Variants in PRKCA observed in about 807,000 individuals in gnomAD.
PRKCA encodes protein kinase C alpha type.
In PRKCA, 27 loss-of-function variants were observed where a neutral mutation model predicts 87.0. The ratio of observed to expected loss-of-function variants is 0.31; its 90% CI spans 0.23 to 0.43. PRKCA has a LOEUF of 0.43. PRKCA is among the 20% of genes least tolerant of loss of function. The pLI, the probability that PRKCA is intolerant of heterozygous loss-of-function variation, is 1.00. For missense variants in PRKCA, 518 were observed against 852.3 expected (o/e 0.61, Z 4.88); for synonymous variants, 329 against 311.1 (o/e 1.06, Z -0.61).
At chr17:66,399,908 A>T (rs1910920427) in intron 2 of PRKCA, among the ~76,000 whole-genome samples, 1 of 152,060 alleles carries the variant, frequency 6.6e-6, no homozygotes, top group Non-Finnish European at 1.5e-5. Flanking sequence ...TAGATTTTGG[A>T]ATATTTGCAT....
chr17:66,473,194 A>G (rs982942118), intron 2 of PRKCA, among the ~76,000 whole-genome samples: 3 of 151,666 alleles, frequency 2.0e-5, no homozygotes, highest in Admixed American at 6.6e-5. Context: ...CCTTTGACCT[A>G]GACTTTGGGT....
intron 2 of PRKCA, among the ~76,000 whole-genome samples, chr17:66,378,895 C>A: frequency 7.8e-6 from 1 of 128,946 alleles, no homozygotes; most frequent in African/African-American, 3.0e-5. Context: ...AGCGAGACTC[C>A]ATCTCAAAAA....
Position 66,302,838 on chromosome 17 carries a change from G to A in PRKCA, c.-14G>A. 1 of 1,572,136 alleles carries A rather than the reference G, an allele frequency of 6.4e-7. No individual in the cohort carries two copies. Among genetic ancestry groups the A allele is most frequent in the South Asian group, 1.1e-5 (1 of 87,136 alleles). On this transcript the variant is annotated 5_prime_UTR_variant, in exon 1 of 17. Transcript: ENST00000413366. ...CAGCTCCCCGGCGGAGGCAAGAGGT[G>A]GTTGGGGGGGACCATGGCTGACGTT...
At chr17:66,517,769 T>C (rs1050492377) in intron 3 of PRKCA, among the ~76,000 whole-genome samples, 2 of 152,298 alleles carry the variant, frequency 1.3e-5, no homozygotes, top group East Asian at 3.9e-4. Context: ...GCCATCCAGT[T>C]GAGGTGTGCA....
chr17:66,774,317 C>G (rs1975001497), intron 14 of PRKCA: 1 of 1,332,070 alleles, frequency 7.5e-7, no homozygotes, highest in East Asian at 3.2e-5. Context: ...GTGTCAGTTT[C>G]ACGTTATGAA....
intron 5 of PRKCA, among the ~76,000 whole-genome samples, chr17:66,650,902 T>C (rs1971574795): frequency 6.6e-6 from 1 of 152,186 alleles, no homozygotes; most frequent in Non-Finnish European, 1.5e-5. Context: ...TTATTGAGCG[T>C]GTGTCCTGCT....
At chr17:66,404,773 A>C in intron 2 of PRKCA, among the ~76,000 whole-genome samples, 1 of 19,350 alleles carries the variant, frequency 5.2e-5, no homozygotes, top group Non-Finnish European at 1.3e-4. Context: ...TTTTTTTGAG[A>C]CAGCGTTTCA....
chr17:66,351,625 C>G (rs542479366), intron 2 of PRKCA, among the ~76,000 whole-genome samples: 3 of 152,296 alleles, frequency 2.0e-5, no homozygotes, highest in East Asian at 3.9e-4. Flanking sequence ...GTGCTATAAG[C>G]TATTCTCCTG....
chr17:66,610,574 G>A (rs893188341), intron 3 of PRKCA, among the ~76,000 whole-genome samples: 2 of 152,194 alleles, frequency 1.3e-5, no homozygotes, highest in Non-Finnish European at 2.9e-5. Flanking sequence ...GATTAGCTCT[G>A]TTTCAGGATG....
chr17:66,805,449 C>T lies in PRKCA; in HGVS notation c.*1412C>T, dbSNP rs570882768. ...TTCTAATTAAGTTTTAGCTGAATCC[C>T]TTGCTTCTGTGCTTTCCCTCCCTGC... On this transcript the variant is annotated 3_prime_UTR_variant, in exon 17 of 17. Transcript: ENST00000413366. The T allele has an allele frequency of 6.5e-6, 1 of 152,702 alleles. No individual in the cohort carries two copies. The highest frequency in any genetic ancestry group is 1.9e-4 in the East Asian group (1 of 5,168). The allele number at this position is 152,702 out of a possible 1,614,324, so 9.5% of individuals were successfully genotyped here.
chr17:66,364,565 G>A (rs1033906493), intron 2 of PRKCA, among the ~76,000 whole-genome samples: 4 of 152,188 alleles, frequency 2.6e-5, no homozygotes, highest in African/African-American at 9.7e-5. Flanking sequence ...GTGGAGGCCG[G>A]AAGATGCCAG....
At chr17:66,510,966 C>T (rs914161572) in intron 3 of PRKCA, among the ~76,000 whole-genome samples, 11 of 152,132 alleles carry the variant, frequency 7.2e-5, no homozygotes, top group Non-Finnish European at 1.5e-4. Context: ...AGGCTGGTCT[C>T]GAACTCCGGT....
intron 13 of PRKCA, 89 bp from the exon 14 acceptor site, chr17:66,773,898 G>C (rs910554276): frequency 3.1e-5 from 49 of 1,584,670 alleles, no homozygotes; most frequent in Non-Finnish European, 4.0e-5. Flanking sequence ...TGAACTGAGT[G>C]TATAAATGCC....
chr17:66,522,389 C>A (rs956952), intron 3 of PRKCA, among the ~76,000 whole-genome samples: 37,713 of 152,062 alleles, frequency 0.25, 5,804 homozygotes, highest in African/African-American at 0.43. Flanking sequence ...TTATGCTAGG[C>A]AGAAAGGAGC....
intron 10 of PRKCA, among the ~76,000 whole-genome samples, chr17:66,736,346 C>T (rs1420827219): frequency 6.6e-6 from 1 of 151,396 alleles, no homozygotes; most frequent in Non-Finnish European, 1.5e-5. Context: ...GGTGCGATCT[C>T]TGCTCAATGC....
chr17:66,678,395 C>T lies in PRKCA; in HGVS notation c.530-8716C>T, dbSNP rs111576502. Among the ~76,000 whole-genome samples, 1,065 of 152,272 alleles carry T rather than the reference C, an allele frequency of 7.0e-3. 10 individuals are homozygous for T. The highest frequency in any genetic ancestry group is 0.014 in the Middle Eastern group (4 of 294). ...TCTGTTGTCTTAACTGGGAAGTTTG[C>T]GTATACTTTGTTCCAGCAGCCACAG... On this transcript the variant is annotated intron_variant, in intron 5 of 16. Coordinates refer to ENST00000413366, the MANE Select transcript of PRKCA (RefSeq NM_002737.3).
intron 5 of PRKCA, among the ~76,000 whole-genome samples, chr17:66,651,762 G>A (rs575155702): frequency 6.6e-6 from 1 of 151,992 alleles, no homozygotes; most frequent in South Asian, 2.1e-4. Flanking sequence ...TTATCCTCAG[G>A]GGCACCCAGA....
intron 5 of PRKCA, among the ~76,000 whole-genome samples, chr17:66,662,041 G>A (rs1489187224): frequency 1.3e-5 from 2 of 152,222 alleles, no homozygotes; most frequent in Non-Finnish European, 2.9e-5. Flanking sequence ...AATGCCTCCA[G>A]GTTCTTAGCC....
chr17:66,645,297 T>G, intron 4 of PRKCA, 86 bp from the exon 5 acceptor site: 1 of 1,583,296 alleles, frequency 6.3e-7, no homozygotes, highest in Non-Finnish European at 8.6e-7. Context: ...GTAACTCATT[T>G]TCACTTGTGC....
Sources: gnomAD v4.1 joint callset for allele counts (sites outside exome capture counted in the v4.1 genomes callset) on GRCh38, gnomAD v4.1.1 for gene constraint, MANE v1.5 for transcripts, NCBI Gene and HGNC (gene_info 2026-07-23, HGNC 2026-07-21) for gene names.